UGT1A8: variants seen among roughly 807,000 people sequenced by gnomAD.
UGT1A8 encodes UDP-glucuronosyltransferase 1A8.
UGT1A8 carries 39 observed loss-of-function variants against 45.3 expected under a neutral mutation model. The observed-to-expected ratio is 0.86, with a 90% CI of 0.67 to 1.12. UGT1A8 has a LOEUF of 1.12. Among genes scored for constraint, UGT1A8 ranks in the 50% most tolerant of loss-of-function variants. The pLI, the probability that UGT1A8 is intolerant of heterozygous loss-of-function variation, is 0.00. For synonymous variants in UGT1A8, 275 were observed against 249.2 expected (o/e 1.10, Z -0.97); for missense variants, 719 against 664.9 (o/e 1.08, Z -0.90).
chr2:233,624,797 A>G (rs796439641), intron 1 of UGT1A8, among the ~76,000 whole-genome samples: 2 of 152,276 alleles, frequency 1.3e-5, no homozygotes, highest in African/African-American at 4.8e-5. Context: ...ATTCATTAAC[A>G]TATCTATGTT....
intron 1 of UGT1A8, chr2:233,760,664 G>C (rs1215512591): frequency 6.2e-7 from 1 of 1,614,182 alleles, no homozygotes; most frequent in Admixed American, 1.7e-5. Context: ...CTTTTGTCTG[G>C]CTGTTCCCAC....
intron 2 of UGT1A8, among the ~76,000 whole-genome samples, chr2:233,767,421 A>G (rs1260096333): frequency 6.6e-6 from 1 of 152,234 alleles, no homozygotes; most frequent in Non-Finnish European, 1.5e-5. Context: ...TCAAAAGTGT[A>G]TTAGGGAGAA....
At chr2:233,717,438 C>T (rs998007797) in intron 1 of UGT1A8, among the ~76,000 whole-genome samples, 4 of 152,192 alleles carry the variant, frequency 2.6e-5, no homozygotes, top group African/African-American at 7.2e-5. Context: ...CTCTGATGGA[C>T]GCATCCATTC....
chr2:233,725,057 C>T (rs1209231794), intron 1 of UGT1A8, among the ~76,000 whole-genome samples: 5 of 147,514 alleles, frequency 3.4e-5, no homozygotes, highest in East Asian at 4.2e-4. Flanking sequence ...CGTGGCGGCG[C>T]GCGCCTGCAA....
intron 1 of UGT1A8, chr2:233,753,724 A>C (rs1430811344): frequency 6.6e-6 from 1 of 152,226 alleles, no homozygotes; most frequent in Admixed American, 6.5e-5. Flanking sequence ...CTAATTTGAT[A>C]TGCCCCAAGC....
chr2:233,745,515 T>C (rs1256648631), intron 1 of UGT1A8, among the ~76,000 whole-genome samples: 1 of 151,514 alleles, frequency 6.6e-6, no homozygotes, highest in African/African-American at 2.4e-5. Flanking sequence ...GGGTATTAGG[T>C]CTAATGGGGA....
At chr2:233,640,665 G>A (rs867099055) in intron 1 of UGT1A8, among the ~76,000 whole-genome samples, 1 of 152,110 alleles carries the variant, frequency 6.6e-6, no homozygotes, top group African/African-American at 2.4e-5. Flanking sequence ...TGCAAATGCT[G>A]TTCTTCCATA....
At chr2:233,681,083 C>G (rs1479456676) in intron 1 of UGT1A8, among the ~76,000 whole-genome samples, 1 of 151,734 alleles carries the variant, frequency 6.6e-6, no homozygotes, top group South Asian at 2.1e-4. Flanking sequence ...TGTGGCTCAC[C>G]TGTGTCTCTG....
At chr2:233,692,857 T>G (rs2075117463) in intron 1 of UGT1A8, 1 of 1,468,162 alleles carries the variant, frequency 6.8e-7, no homozygotes, top group South Asian at 1.5e-5. Context: ...ATTTGGGTTC[T>G]TACATATCAA....
In UGT1A8 at chr2:233,772,261, G is replaced by A. The variant is rs1212085876; in HGVS notation, c.1296-1G>A. On this transcript the variant is annotated splice_acceptor_variant, in intron 4 of 4. Coordinates refer to ENST00000373450, the MANE Select transcript of UGT1A8 (RefSeq NM_019076.5). LOFTEE classifies it high-confidence loss of function. ...CATAACGAAACTGTCTTTGTGTTTA[G>A]TTACAAGGAGAACATCATGCGCCTC... The A allele has an allele frequency of 1.9e-5, 30 of 1,614,162 alleles. No homozygotes were observed. Among genetic ancestry groups the A allele is most frequent in the Non-Finnish European group, 2.5e-5 (30 of 1,180,064 alleles).
intron 1 of UGT1A8, among the ~76,000 whole-genome samples, chr2:233,758,422 T>G (rs1696873705): frequency 6.6e-6 from 1 of 152,238 alleles, no homozygotes; most frequent in South Asian, 2.1e-4. Flanking sequence ...AATCTGCAAA[T>G]GAACTCACAC....
chr2:233,739,435 C>A (rs1691098956), intron 1 of UGT1A8, among the ~76,000 whole-genome samples: 1 of 152,206 alleles, frequency 6.6e-6, no homozygotes, highest in Admixed American at 6.5e-5. Flanking sequence ...GAGGGCTTTA[C>A]CCTGCAAAGC....
At chr2:233,720,316 G>A (rs1418741193) in intron 1 of UGT1A8, among the ~76,000 whole-genome samples, 1 of 152,090 alleles carries the variant, frequency 6.6e-6, no homozygotes, top group Admixed American at 6.5e-5. Context: ...TGTATGATGT[G>A]GGGACATCGT....
intron 1 of UGT1A8, among the ~76,000 whole-genome samples, chr2:233,683,951 C>G (rs2074657441): frequency 6.6e-6 from 1 of 152,110 alleles, no homozygotes; most frequent in South Asian, 2.1e-4. Flanking sequence ...GTCTAGCCAG[C>G]TTAAATTAGG....
chr2:233,721,676 A>T (rs1442079995), intron 1 of UGT1A8: 1 of 291,948 alleles, frequency 3.4e-6, no homozygotes, highest in African/African-American at 2.2e-5. Context: ...TTAATCCAAT[A>T]ATGAGCTCTG....
At chr2:233,635,764 G>A (rs570474196) in intron 1 of UGT1A8, among the ~76,000 whole-genome samples, 9 of 151,038 alleles carry the variant, frequency 6.0e-5, no homozygotes, top group African/African-American at 2.0e-4. Flanking sequence ...GTGATGGTGT[G>A]TTTAGAATAT....
intron 1 of UGT1A8, among the ~76,000 whole-genome samples, chr2:233,753,922 T>C (rs1212078671): frequency 6.6e-6 from 1 of 152,180 alleles, no homozygotes; most frequent in African/African-American, 2.4e-5. Flanking sequence ...TTCAGCTCAG[T>C]GATATGGGAT....
In UGT1A8 at chr2:233,618,355, A is replaced by C. The variant is rs1126804; in HGVS notation, c.648A>C (p.Glu216Asp). The C allele has an allele frequency of 3.4e-5, 55 of 1,613,806 alleles. No homozygotes were observed. The highest frequency in any genetic ancestry group is 4.6e-5 in the Non-Finnish European group (54 of 1,179,862). ...GGAACCACATCATGCACTTGGAGGA[A>C]CATTTATTTTGCCAGTATTTTTCCA... ...RVRNHIMHLEEHLFCQYFSKN... is the reference protein window; with the variant it reads ...RVRNHIMHLEDHLFCQYFSKN... Residue 216 changes from glutamate to aspartate, a missense_variant, in exon 1 of 5, where the codon GAA becomes GAC. Glu to Asp is a conservative substitution (Grantham distance 45). Coordinates refer to ENST00000373450, the MANE Select transcript of UGT1A8 (RefSeq NM_019076.5).
rs1216500349 is a variant in UGT1A8, at chr2:233,713,387, G to A, written c.856-53647G>A. On this transcript the variant is annotated intron_variant, in intron 1 of 4. Transcript: ENST00000373450. Reference sequence around the variant, plus strand: ...TACATAGGTCTTGTGTGGAGCTACTGCATAATGAGGCCCTGATCAGGCACC... The same window carrying A: ...TACATAGGTCTTGTGTGGAGCTACTACATAATGAGGCCCTGATCAGGCACC... 5.0e-6 allele frequency: 8 copies of A among 1,614,014 alleles called. No homozygotes were observed. The Admixed American group carries it at 1.0e-4, about 20-fold the overall frequency.
Sources: gnomAD v4.1 joint callset for allele counts (sites outside exome capture counted in the v4.1 genomes callset) on GRCh38, gnomAD v4.1.1 for gene constraint, MANE v1.5 for transcripts, NCBI Gene and HGNC (gene_info 2026-07-23, HGNC 2026-07-21) for gene names.